RICTOR: variants seen among roughly 807,000 people sequenced by gnomAD.
RICTOR encodes the protein rapamycin-insensitive companion of mTOR.
Under a neutral mutation model 214.9 loss-of-function variants are expected in RICTOR, and 49 were observed. That is an observed-to-expected ratio of 0.23 (90% CI 0.18 to 0.29). RICTOR has a LOEUF of 0.29. Among genes scored for constraint, RICTOR ranks in the 10% least tolerant of loss-of-function variants. The probability of loss-of-function intolerance (pLI) is 1.00; values close to 1 mark genes in which losing one functional copy is unlikely to be tolerated. For missense variants in RICTOR, 1,625 were observed against 2,047.0 expected (o/e 0.79, Z 3.98); for synonymous variants, 717 against 711.3 (o/e 1.01, Z -0.13).
At chr5:38,999,639 G>C (rs1039596547) in intron 5 of RICTOR, among the ~76,000 whole-genome samples, 2 of 151,880 alleles carry the variant, frequency 1.3e-5, no homozygotes, top group African/African-American at 4.8e-5. Flanking sequence ...AGAAATACAA[G>C]AACAAAGAAC....
intron 8 of RICTOR, among the ~76,000 whole-genome samples, chr5:38,980,267 C>T (rs1751597696): frequency 6.6e-6 from 1 of 152,038 alleles, no homozygotes; most frequent in South Asian, 2.1e-4. Context: ...TTCAGTCATA[C>T]AGTCATGTCT....
chr5:39,051,038 T>TAC (rs1482058676), intron 2 of RICTOR, among the ~76,000 whole-genome samples: 3 of 98,428 alleles, frequency 3.0e-5, no homozygotes, highest in African/African-American at 1.0e-4. Flanking sequence ...CCCATACATA[T>TAC]ATATACACAC....
At chr5:39,044,987 T>A (rs991805108) in intron 2 of RICTOR, among the ~76,000 whole-genome samples, 2 of 152,190 alleles carry the variant, frequency 1.3e-5, no homozygotes, top group Admixed American at 1.3e-4. Flanking sequence ...TTATAAAGAT[T>A]TTCTGGCACA....
intron 19 of RICTOR, among the ~76,000 whole-genome samples, chr5:38,961,304 A>G (rs138164720): frequency 8.7e-4 from 132 of 152,258 alleles, no homozygotes; most frequent in African/African-American, 3.1e-3. Context: ...ATTTTCTTCT[A>G]TTGTATTCAT....
chr5:39,056,778 T>C (rs765732541), intron 2 of RICTOR, among the ~76,000 whole-genome samples: 7 of 151,694 alleles, frequency 4.6e-5, no homozygotes, highest in Non-Finnish European at 7.4e-5. Context: ...GATTAAGTAA[T>C]AGAAATATTG....
At chr5:38,944,348 G>T in intron 36 of RICTOR, 98 bp downstream of exon 36, 2 of 1,238,468 alleles carry the variant, frequency 1.6e-6, no homozygotes, top group Non-Finnish European at 2.3e-6. Context: ...AACTACTGAT[G>T]TAAGTTAACT....
intron 3 of RICTOR, among the ~76,000 whole-genome samples, chr5:39,011,069 C>G (rs1003385037): frequency 2.6e-5 from 4 of 152,144 alleles, no homozygotes; most frequent in African/African-American, 9.7e-5. Context: ...ATGGCAGCCC[C>G]TCCCATCACA....
chr5:39,027,951 A>G (rs1389965108), intron 2 of RICTOR, among the ~76,000 whole-genome samples: 3 of 152,112 alleles, frequency 2.0e-5, no homozygotes, highest in Admixed American at 6.5e-5. Context: ...TCTACAAATC[A>G]ACAATAAAAT....
chr5:39,031,941 C>A (rs1756306294), intron 2 of RICTOR, among the ~76,000 whole-genome samples: 2 of 152,170 alleles, frequency 1.3e-5, no homozygotes, highest in South Asian at 4.1e-4. Flanking sequence ...CATCTTCTCA[C>A]CTTTATCCAC....
chr5:39,039,101 A>T (rs1167470843), intron 2 of RICTOR, among the ~76,000 whole-genome samples: 4 of 152,352 alleles, frequency 2.6e-5, no homozygotes, highest in Non-Finnish European at 4.4e-5. Flanking sequence ...ACAGCATGGT[A>T]CTGGTACCAA....
chr5:38,984,207 TAA>T (rs1312034186), intron 7 of RICTOR, among the ~76,000 whole-genome samples: 1 of 24,394 alleles, frequency 4.1e-5, no homozygotes, highest in African/African-American at 1.3e-4. Context: ...TTCATATTAT[TAA>T]GTTTCCGAAT....
intron 2 of RICTOR, among the ~76,000 whole-genome samples, chr5:39,056,951 A>G (rs1758244301): frequency 6.6e-6 from 1 of 152,214 alleles, no homozygotes; most frequent in African/African-American, 2.4e-5. Context: ...CTAGATTACA[A>G]TGACAGTATT....
At chr5:39,069,882 T>G (rs1409753751) in intron 2 of RICTOR, among the ~76,000 whole-genome samples, 1 of 152,244 alleles carries the variant, frequency 6.6e-6, no homozygotes, top group Non-Finnish European at 1.5e-5. Context: ...ATGAGACTTC[T>G]CTGATCCTTT....
chr5:38,952,460 T>G (rs1748878332), intron 29 of RICTOR, 35 bp from the exon 30 acceptor site: 2 of 1,383,246 alleles, frequency 1.4e-6, no homozygotes, highest in South Asian at 2.4e-5. Flanking sequence ...ACAGTTATAA[T>G]TCCAAGCTGA....
At chr5:38,973,416 C>T (rs187060201) in intron 10 of RICTOR, among the ~76,000 whole-genome samples, 41 of 152,144 alleles carry the variant, frequency 2.7e-4, no homozygotes, top group African/African-American at 3.9e-4. Context: ...GACTGATGAA[C>T]GCCCAGTGGG....
At chr5:38,947,036 T>C (rs1748286392) in intron 32 of RICTOR, among the ~76,000 whole-genome samples, 1 of 152,030 alleles carries the variant, frequency 6.6e-6, no homozygotes, top group African/African-American at 2.4e-5. Context: ...TGATTTAATA[T>C]GGGAAGAGAG....
In RICTOR at chr5:38,946,510, G is replaced by T; in HGVS notation, c.4357C>A (p.His1453Asn). 4 of 1,611,716 alleles carry T rather than the reference G, an allele frequency of 2.5e-6. No homozygotes were observed. The highest frequency in any genetic ancestry group is 3.4e-6 in the Non-Finnish European group (4 of 1,177,948). Residue 1453 changes from histidine (H) to asparagine (N), a missense_variant, in exon 33 of 38, where the codon CAT (histidine) becomes AAT (asparagine). By Grantham distance (68) the His-to-Asn change is moderately conservative (BLOSUM62 1). Transcript: ENST00000357387. Reference sequence around the variant, plus strand: ...AATGCTCTTGCACCTCGATCATCATGTGGTGGTATGTTTTTTGTCTGAAAA... The same window carrying T: ...AATGCTCTTGCACCTCGATCATCATTTGGTGGTATGTTTTTTGTCTGAAAA... ...PYFQTKNIPP[H>N]DDRGARAFAH...
intron 2 of RICTOR, among the ~76,000 whole-genome samples, chr5:39,042,471 A>G (rs1292916080): frequency 1.3e-5 from 2 of 152,202 alleles, no homozygotes; most frequent in African/African-American, 4.8e-5. Context: ...TCACTTGCCT[A>G]AAAGTCACAC....
intron 2 of RICTOR, among the ~76,000 whole-genome samples, chr5:39,051,023 C>G (rs1307964419): frequency 2.7e-5 from 4 of 145,704 alleles, no homozygotes; most frequent in African/African-American, 1.0e-4. Flanking sequence ...TAATCTTTCT[C>G]TCTCCCCATA....
Sources: gnomAD v4.1 joint callset for allele counts (sites outside exome capture counted in the v4.1 genomes callset) on GRCh38, gnomAD v4.1.1 for gene constraint, MANE v1.5 for transcripts, NCBI Gene and HGNC (gene_info 2026-07-23, HGNC 2026-07-21) for gene names.